UBAC2: variants seen among roughly 807,000 people sequenced by gnomAD.
UBAC2 encodes UBA domain containing 2, also known as ubiquitin-associated domain-containing protein 2.
In UBAC2, 26 loss-of-function variants were observed where a neutral mutation model predicts 44.0. The ratio of observed to expected loss-of-function variants is 0.59; its 90% confidence interval spans 0.43 to 0.82. UBAC2 has a LOEUF of 0.82. Among genes scored for constraint, UBAC2 ranks in the 40% least tolerant of loss-of-function variants. UBAC2 has a pLI of 0.00. For missense variants in UBAC2, 329 were observed against 419.4 expected, an observed-to-expected ratio of 0.78 and a Z score of 1.88; for synonymous variants, 155 against 154.3, an observed-to-expected ratio of 1.00 and a Z score of -0.04.
intron 6 of UBAC2, among the ~76,000 whole-genome samples, chr13:99,318,367 A>G (rs2044521634): frequency 6.6e-6 from 1 of 151,346 alleles, no homozygotes; most frequent in Non-Finnish European, 1.5e-5. Flanking sequence ...GGGTTTCTCC[A>G]TGTTGGTCAG....
At chr13:99,363,154 C>T (rs1347685418) in intron 7 of UBAC2, among the ~76,000 whole-genome samples, 1 of 152,156 alleles carries the variant, frequency 6.6e-6, no homozygotes, top group Non-Finnish European at 1.5e-5. Context: ...ACCAAGTGCC[C>T]ATGTTTACTG....
chr13:99,354,786 C>T (rs1327390762), intron 7 of UBAC2, among the ~76,000 whole-genome samples: 1 of 152,172 alleles, frequency 6.6e-6, no homozygotes, highest in Non-Finnish European at 1.5e-5. Flanking sequence ...TGCACACTCA[C>T]TGACCGTGGC....
At chr13:99,297,506 C>T (rs767014328) in intron 4 of UBAC2, among the ~76,000 whole-genome samples, 41 of 152,036 alleles carry the variant, frequency 2.7e-4, no homozygotes, top group Non-Finnish European at 5.3e-4. Context: ...ATTCTAACAA[C>T]CTTAAAACTG....
intron 1 of UBAC2, among the ~76,000 whole-genome samples, chr13:99,223,968 G>T (rs2043082641): frequency 1.3e-5 from 2 of 152,154 alleles, no homozygotes; most frequent in South Asian, 2.1e-4. Flanking sequence ...GTTGTTGGGT[G>T]GAGTGTTCTA....
chr13:99,315,976 T>C (rs1296364954), intron 5 of UBAC2, among the ~76,000 whole-genome samples: 1 of 151,756 alleles, frequency 6.6e-6, no homozygotes, highest in East Asian at 1.9e-4. Context: ...CTGCAGTTAC[T>C]TTTCCACCAA....
At chr13:99,307,677 C>G (rs1191210203) in intron 4 of UBAC2, among the ~76,000 whole-genome samples, 1 of 151,910 alleles carries the variant, frequency 6.6e-6, no homozygotes, top group Non-Finnish European at 1.5e-5. Context: ...TCAAAAAATT[C>G]TTTGAAAGAG....
At chr13:99,230,759 G>C (rs1372076613) in intron 1 of UBAC2, among the ~76,000 whole-genome samples, 1 of 152,040 alleles carries the variant, frequency 6.6e-6, no homozygotes, top group African/African-American at 2.4e-5. Flanking sequence ...CACTTAAAAG[G>C]ACTCTTGTGG....
intron 2 of UBAC2, among the ~76,000 whole-genome samples, chr13:99,242,725 C>G: frequency 7.0e-6 from 1 of 143,116 alleles, no homozygotes; most frequent in Non-Finnish European, 1.5e-5. Context: ...GCTGGCCTGG[C>G]CGGGGCTGAC....
intron 8 of UBAC2, among the ~76,000 whole-genome samples, chr13:99,380,868 T>C (rs1167122647): frequency 6.6e-6 from 1 of 152,224 alleles, no homozygotes; most frequent in Non-Finnish European, 1.5e-5. Flanking sequence ...GTCACACTTG[T>C]CTTCTCACCC....
chr13:99,217,337 G>A (rs529378134), intron 1 of UBAC2, among the ~76,000 whole-genome samples: 1 of 152,294 alleles, frequency 6.6e-6, no homozygotes, highest in East Asian at 1.9e-4. Flanking sequence ...CCCAGGGAGA[G>A]GTCCCGTGGC....
rs199704027 is a variant in UBAC2 at position 99,318,028 on chromosome 13, A to G, written c.520A>G (p.Thr174Ala). The G allele has an allele frequency of 1.9e-5, 31 of 1,607,224 alleles. No homozygotes were observed. Among genetic ancestry groups the G allele is most frequent in the Non-Finnish European group, 2.5e-5 (29 of 1,177,938 alleles). ...TTTTTTTTTTCTTTTATAGCTTTTC[A>G]CCTCTGGTTCCTACATCTGGATTGT... is the stretch of plus-strand genomic sequence containing the variant. Reference protein sequence around the residue: ...LIYILGLQLFTSGSYIWIVAI... With the variant: ...LIYILGLQLFASGSYIWIVAI... Residue 174 changes from threonine (T) to alanine (A), a missense_variant, in exon 6 of 9, where the codon ACC (threonine) becomes GCC (alanine). Coordinates refer to ENST00000403766, the MANE Select transcript of UBAC2 (RefSeq NM_001144072.2).
chr13:99,368,430 G>A (rs1566525593), intron 8 of UBAC2, among the ~76,000 whole-genome samples: 4 of 152,252 alleles, frequency 2.6e-5, no homozygotes, highest in African/African-American at 4.8e-5. Flanking sequence ...CGTTTGTACC[G>A]GATATACCCT....
At chr13:99,221,125 T>G (rs2043048122) in intron 1 of UBAC2, among the ~76,000 whole-genome samples, 1 of 152,210 alleles carries the variant, frequency 6.6e-6, no homozygotes, top group African/African-American at 2.4e-5. Context: ...ATTTCCCAAT[T>G]AGATATTCAT....
intron 7 of UBAC2, 105 bp downstream of exon 7, chr13:99,340,670 C>T: frequency 7.9e-7 from 1 of 1,273,458 alleles, no homozygotes; most frequent in South Asian, 1.5e-5. Context: ...TATTCCAGTG[C>T]CTTGCAAGTG....
chr13:99,340,227 G>C, intron 6 of UBAC2, 93 bp from the exon 7 acceptor site: 1 of 1,390,424 alleles, frequency 7.2e-7, no homozygotes, highest in East Asian at 2.3e-5. Flanking sequence ...AAAATACCGT[G>C]TGCAGTGTCT....
chr13:99,362,566 A>G (rs1303277121), intron 7 of UBAC2, among the ~76,000 whole-genome samples: 1 of 152,216 alleles, frequency 6.6e-6, no homozygotes, highest in Non-Finnish European at 1.5e-5. Flanking sequence ...TGGGTATAAA[A>G]TAACTTGTTT....
chr13:99,245,931 A>G (rs1048473338), intron 4 of UBAC2, among the ~76,000 whole-genome samples: 2 of 152,236 alleles, frequency 1.3e-5, no homozygotes, highest in African/African-American at 4.8e-5. Context: ...ATGACCTCCA[A>G]GCATCTGAAT....
chr13:99,368,847 A>G (rs1652192667), intron 8 of UBAC2, among the ~76,000 whole-genome samples: 1 of 152,178 alleles, frequency 6.6e-6, no homozygotes, highest in African/African-American at 2.4e-5. Flanking sequence ...AACCAGGCCT[A>G]TTTAGGAAAA....
intron 4 of UBAC2, among the ~76,000 whole-genome samples, chr13:99,268,879 A>G (rs757604553): frequency 6.6e-6 from 1 of 152,020 alleles, no homozygotes; most frequent in Non-Finnish European, 1.5e-5. Flanking sequence ...GCCATGGGAG[A>G]AACAGGTGGA....
Sources: gnomAD v4.1 joint callset for allele counts (sites outside exome capture counted in the v4.1 genomes callset) on GRCh38, gnomAD v4.1.1 for gene constraint, MANE v1.5 for transcripts, NCBI Gene and HGNC (gene_info 2026-07-23, HGNC 2026-07-21) for gene names.